ZNF729: variants seen among roughly 807,000 people sequenced by gnomAD.
ZNF729 encodes the protein zinc finger protein 729.
ZNF729 carries 15 observed loss-of-function variants against 12.2 expected under a neutral mutation model. That is an observed-to-expected ratio of 1.23 (90% CI 0.82 to 1.89). ZNF729 has a LOEUF of 1.89. ZNF729 is among the 40% of genes most tolerant of loss of function. The pLI, the probability that ZNF729 is intolerant of heterozygous loss-of-function variation, is 0.00. For synonymous variants in ZNF729, 492 were observed against 476.3 expected (o/e 1.03, Z -0.43); for missense variants, 1,540 against 1,456.7 (o/e 1.06, Z -0.93).
chr19:22,292,743 A>G (rs1373723742), intron 1 of ZNF729, among the ~76,000 whole-genome samples: 4 of 152,134 alleles, frequency 2.6e-5, no homozygotes, highest in African/African-American at 9.6e-5. Flanking sequence ...ACCTTATCAT[A>G]CCATATTTTC....
In ZNF729 at chr19:22,295,036, ATTTGTGTG is replaced by A. The variant is rs942736942; in HGVS notation, c.30+8483_30+8490del. On this transcript the variant is annotated intron_variant, in intron 1 of 3. Coordinates refer to ENST00000601693, the MANE Select transcript of ZNF729 (RefSeq NM_001242680.2). ...TCTCTGGTTAGGTGTACTCCTAGAT[ATTTGTGTG>A]TGTGTGTGTGTGTGTGTGTGTGTGT... Among the ~76,000 whole-genome samples, 21 of 91,314 alleles carry A rather than the reference ATTTGTGTG, an allele frequency of 2.3e-4. No individual in the cohort carries two copies. The East Asian group carries it at 6.8e-3, about 30-fold the overall frequency. 59.9% of individuals were successfully genotyped at this position (91,314 alleles called of 152,430 possible).
At chr19:22,297,547 A>G (rs1286637642) in intron 1 of ZNF729, among the ~76,000 whole-genome samples, 1 of 151,930 alleles carries the variant, frequency 6.6e-6, no homozygotes, top group Admixed American at 6.6e-5. Flanking sequence ...TTTGAAATAT[A>G]TATAAATCAT....
intron 3 of ZNF729, among the ~76,000 whole-genome samples, chr19:22,307,806 T>G (rs1189639399): frequency 3.2e-4 from 45 of 139,690 alleles, no homozygotes; most frequent in African/African-American, 1.2e-3. Context: ...CTGTGTTTTT[T>G]TTTTTTTTTT....
rs1224712018 is a variant in ZNF729 at position 22,315,773 on chromosome 19, C to T, written c.2356C>T (p.His786Tyr). Residue 786 changes from histidine to tyrosine, a missense_variant, in exon 4 of 4, where the codon CAT becomes TAT. Physicochemically the swap from His to Tyr is moderately conservative, Grantham distance 83. Coordinates refer to ENST00000601693, the MANE Select transcript of ZNF729 (RefSeq NM_001242680.2). Reference protein sequence around the residue: ...AFNSFSALMKHKVIHTGEKPY... With the variant: ...AFNSFSALMKYKVIHTGEKPY... ...TAACAGTTTCTCAGCCCTTATGAAA[C>T]ATAAGGTAATTCATACTGGAGAGAA... is the stretch of plus-strand genomic sequence containing the variant. 51 of 1,609,538 alleles carry T rather than the reference C, an allele frequency of 3.2e-5. No homozygotes were observed. Among genetic ancestry groups the T allele is most frequent in the Non-Finnish European group, 4.2e-5 (50 of 1,179,454 alleles).
At chr19:22,301,024 A>G (rs1399160895) in intron 1 of ZNF729, among the ~76,000 whole-genome samples, 2 of 152,034 alleles carry the variant, frequency 1.3e-5, no homozygotes, top group East Asian at 1.9e-4. Context: ...GAGCAGAATT[A>G]TGTTTCTCTT....
At chr19:22,311,088 G>A (rs1026223786) in intron 3 of ZNF729, among the ~76,000 whole-genome samples, 20 of 151,770 alleles carry the variant, frequency 1.3e-4, no homozygotes, top group African/African-American at 4.6e-4. Context: ...TTTTTTCTTG[G>A]TTAATCTTGC....
intron 3 of ZNF729, among the ~76,000 whole-genome samples, chr19:22,306,250 C>T (rs1310414074): frequency 1.3e-5 from 2 of 151,750 alleles, no homozygotes; most frequent in African/African-American, 4.8e-5. Flanking sequence ...ACTAGCCTGG[C>T]CAACATAGAG....
chr19:22,313,570 T>C (rs1171567685), intron 3 of ZNF729, 101 bp from the exon 4 acceptor site: 1 of 1,064,320 alleles, frequency 9.4e-7, no homozygotes, highest in East Asian at 2.9e-5. Flanking sequence ...TATTTTGCTG[T>C]GCCATCTTAT....
rs1252047592 is a variant in ZNF729, at chr19:22,316,886, G to A, written c.3469G>A (p.Glu1157Lys). Reference sequence around the variant, plus strand: ...TAAACATAAGATAATTCATTCTGTAGAGAAACCCTACAAATGTGAAGAATG... The same window carrying A: ...TAAACATAAGATAATTCATTCTGTAAAGAAACCCTACAAATGTGAAGAATG... The part of the protein sequence containing the change: ...LTKHKIIHSV[E>K]KPYKCEECGK... Residue 1157 changes from glutamate to lysine, a missense_variant, in exon 4 of 4, where the codon GAG becomes AAG. Glu to Lys is a moderately conservative substitution (Grantham distance 56, BLOSUM62 1). Coordinates refer to ENST00000601693, the MANE Select transcript of ZNF729 (RefSeq NM_001242680.2). 1.2e-6 allele frequency: 2 copies of A among 1,612,700 alleles called. No individual in the cohort carries two copies. The highest frequency in any genetic ancestry group is 3.3e-5 in the Admixed American group (2 of 59,986).
chr19:22,317,005 T>C lies in ZNF729; in HGVS notation c.3588T>C (p.Ala1196=), dbSNP rs1295293131. ...ACAAATGTGAAGAATGTGGCAAAGC[T>C]TTTATTCAGTGCTCATACCTTATTA... ...KPYKCEECGK[A]FIQCSYLIRH... is the part of the protein sequence containing the mutation. Residue 1196 remains alanine (A), a synonymous_variant, in exon 4 of 4, where the codon GCT becomes GCC. Transcript: ENST00000601693. 6.2e-7 allele frequency: 1 copy of C among 1,612,316 alleles called. No homozygotes were observed. Among genetic ancestry groups the C allele is most frequent in the Admixed American group, 1.7e-5 (1 of 59,996 alleles).
Position 22,313,874 on chromosome 19 carries a change from A to G in ZNF729, c.457A>G (p.Ile153Val). 6.4e-7 allele frequency: 1 copy of G among 1,552,206 alleles called. No individual in the cohort carries two copies. The highest frequency in any genetic ancestry group is 8.7e-7 in the Non-Finnish European group (1 of 1,152,384). ...NQCRTATQRK[I>V]FQCNKHMKVF... is the part of the protein sequence containing the mutation. ...ATGCAGGACAGCTACCCAGAGAAAA[A>G]TATTTCAGTGTAACAAACATATGAA... Residue 153 changes from isoleucine (I) to valine (V), a missense_variant, in exon 4 of 4, where the codon ATA becomes GTA. Transcript: ENST00000601693.
At chr19:22,296,565 G>T (rs185822796) in intron 1 of ZNF729, among the ~76,000 whole-genome samples, 1 of 151,374 alleles carries the variant, frequency 6.6e-6, no homozygotes, top group Admixed American at 6.6e-5. Context: ...GATTTATCTC[G>T]GATTTCTTGT....
chr19:22,301,932 C>T (rs957547822), intron 1 of ZNF729, among the ~76,000 whole-genome samples: 4 of 152,310 alleles, frequency 2.6e-5, no homozygotes, highest in Non-Finnish European at 5.9e-5. Context: ...TATTTATAAC[C>T]AGCCTGAGTC....
At position 22,313,912 on chromosome 19, in the gene ZNF729, A is replaced by G; in HGVS notation, c.495A>G (p.Lys165=). 1 of 1,527,818 alleles carries G rather than the reference A, an allele frequency of 6.5e-7. No individual in the cohort carries two copies. The highest frequency in any genetic ancestry group is 8.8e-7 in the Non-Finnish European group (1 of 1,140,222). The allele number at this position is 1,527,818 out of a possible 1,614,324, so 94.6% of individuals were successfully genotyped here. Residue 165 remains lysine, a synonymous_variant, in exon 4 of 4, where the codon AAA becomes AAG. Transcript: ENST00000601693. ...ACAAACATATGAAAGTCTTTCATAA[A>G]TATTCAAATAGAAATAAGGTTAGAC... The part of the protein sequence containing the change: ...QCNKHMKVFH[K]YSNRNKVRHT...
rs1443815932 is a variant in ZNF729, at chr19:22,317,130, C to T, written c.3713C>T (p.Thr1238Ile). The T allele has an allele frequency of 6.2e-7, 1 of 1,601,730 alleles. No individual in the cohort carries two copies. Among genetic ancestry groups the T allele is most frequent in the Admixed American group, 1.7e-5 (1 of 58,186 alleles). The change falls in exon 4 of 4, where the codon ACT (threonine) becomes ATT (isoleucine). Residue 1238 changes from threonine (T) to isoleucine (I), a missense_variant. Physicochemically the swap from Thr to Ile is moderately conservative, Grantham distance 89. Coordinates refer to ENST00000601693, the MANE Select transcript of ZNF729 (RefSeq NM_001242680.2). ...PHTLLDKTIH[T>I]GEKPYKCEEC... ...ACCTTACTAGACAAAACAATTCATA[C>T]TGGAGAGAAACCCTACAAATGTGAA...
chr19:22,289,753 C>G (rs1318951971), intron 1 of ZNF729, among the ~76,000 whole-genome samples: 8 of 152,222 alleles, frequency 5.3e-5, no homozygotes, highest in Middle Eastern at 3.4e-3. Context: ...ACATCAGTTC[C>G]TCTTTTTGCA....
chr19:22,313,099 T>C (rs941494022), intron 3 of ZNF729, among the ~76,000 whole-genome samples: 1 of 151,252 alleles, frequency 6.6e-6, no homozygotes, highest in Non-Finnish European at 1.5e-5. Context: ...CTCTGTCACA[T>C]GGGCTGGAGT....
chr19:22,314,221 A>G lies in ZNF729; in HGVS notation c.804A>G (p.Glu268=), dbSNP rs1441372200. 1 of 1,605,432 alleles carries G rather than the reference A, an allele frequency of 6.2e-7. No homozygotes were observed. The highest frequency in any genetic ancestry group is 8.5e-7 in the Non-Finnish European group (1 of 1,176,402). Residue 268 remains glutamate, a synonymous_variant, in exon 4 of 4, where the codon GAA becomes GAG. Coordinates refer to ENST00000601693, the MANE Select transcript of ZNF729 (RefSeq NM_001242680.2). ...HTGETPFRCE[E]CGKAFNQSSN... is the part of the protein sequence containing the mutation. ...GAGAGACACCTTTCAGATGTGAAGAATGTGGCAAAGCTTTTAACCAGTCCT... is the reference window on the plus strand; with the variant it reads ...GAGAGACACCTTTCAGATGTGAAGAGTGTGGCAAAGCTTTTAACCAGTCCT...
At chr19:22,286,747 C>T (rs1968083286) in intron 1 of ZNF729, among the ~76,000 whole-genome samples, 192 bp downstream of exon 1, 1 of 152,186 alleles carries the variant, frequency 6.6e-6, no homozygotes. Flanking sequence ...CCTGGGCGAC[C>T]TGTCTCCTCC....
Sources: gnomAD v4.1 joint callset for allele counts (sites outside exome capture counted in the v4.1 genomes callset) on GRCh38, gnomAD v4.1.1 for gene constraint, MANE v1.5 for transcripts, NCBI Gene and HGNC (gene_info 2026-07-23, HGNC 2026-07-21) for gene names.